TDRD12: variants seen among roughly 807,000 people sequenced by gnomAD.
The protein encoded by TDRD12 is tudor domain containing 12.
A neutral mutation model predicts 133.5 loss-of-function variants in TDRD12; 158 were observed. That is an observed-to-expected ratio of 1.18 (90% CI 1.04 to 1.35). The LOEUF is 1.35. Among genes scored for constraint, TDRD12 ranks in the 40% most tolerant of loss-of-function variants. The probability of loss-of-function intolerance (pLI) is 0.00; values close to 1 mark genes in which losing one functional copy is unlikely to be tolerated. For missense variants in TDRD12, 1,443 were observed against 1,321.3 expected, an observed-to-expected ratio of 1.09 and a Z score of -1.43; for synonymous variants, 460 against 477.9, an observed-to-expected ratio of 0.96 and a Z score of 0.49.
intron 5 of TDRD12, among the ~76,000 whole-genome samples, chr19:32,748,954 T>C (rs1224290977): frequency 6.6e-6 from 1 of 152,246 alleles, no homozygotes; most frequent in Non-Finnish European, 1.5e-5. Context: ...ATGCATAAAA[T>C]GTCTTCAGCT....
chr19:32,806,337 GTTTT>G (rs58555952), intron 21 of TDRD12, among the ~76,000 whole-genome samples: 2 of 135,282 alleles, frequency 1.5e-5, no homozygotes, highest in African/African-American at 5.5e-5. Context: ...AGAAGACCGA[GTTTT>G]TTTTTTTTTT....
chr19:32,769,311 T>G (rs930863651), intron 8 of TDRD12, among the ~76,000 whole-genome samples: 1 of 152,340 alleles, frequency 6.6e-6, no homozygotes, highest in East Asian at 1.9e-4. Context: ...TTGGTTTTGT[T>G]TTTTCCATGT....
intron 10 of TDRD12, among the ~76,000 whole-genome samples, chr19:32,774,846 G>A (rs1970536025): frequency 1.3e-5 from 2 of 152,004 alleles, no homozygotes; most frequent in Admixed American, 6.6e-5. Context: ...TTAGCTGGGC[G>A]TGGTGGCAGG....
exon 6 of TDRD12, chr19:32,749,798 G>C (rs1289285071): frequency 6.5e-7 from 1 of 1,550,240 alleles, no homozygotes; most frequent in Non-Finnish European, 8.7e-7. Flanking sequence ...TACCCAGGTG[G>C]AAGCCAGATT....
rs549041275 is a variant in TDRD12, at chr19:32,779,548, C to T, written c.1121+2319C>T. ...CAGAGGAAGTGGCGGGGCCCACACC[C>T]AGGTTTAAGGGCTCTCCTAGTGAAA... is the stretch of plus-strand genomic sequence containing the variant. On this transcript the variant is annotated intron_variant, in intron 11 of 27. Transcript: ENST00000444215. Among the ~76,000 whole-genome samples the T allele has an allele frequency of 2.0e-5, 3 of 152,198 alleles. No homozygotes were observed. In the East Asian group the frequency reaches 5.8e-4, roughly 29 times the overall value.
intron 11 of TDRD12, among the ~76,000 whole-genome samples, chr19:32,786,752 G>A (rs1371469479): frequency 2.6e-5 from 4 of 152,040 alleles, no homozygotes; most frequent in Non-Finnish European, 5.9e-5. Flanking sequence ...CGAAGTTCCC[G>A]TACTGTGGTT....
At chr19:32,757,528 T>G (rs531101094) in intron 8 of TDRD12, among the ~76,000 whole-genome samples, 2 of 152,358 alleles carry the variant, frequency 1.3e-5, no homozygotes, top group Middle Eastern at 3.4e-3. Context: ...CTTCAAGATA[T>G]TTAATGAATT....
chr19:32,740,104 C>T (rs112695579), intron 3 of TDRD12, among the ~76,000 whole-genome samples: 1 of 127,968 alleles, frequency 7.8e-6, no homozygotes, highest in Non-Finnish European at 1.6e-5. Context: ...TGGGCACTCT[C>T]TGCATCTCCT....
At chr19:32,720,015 C>T (rs1319822758) in exon 1 of TDRD12, 10 of 1,541,584 alleles carry the variant, frequency 6.5e-6, no homozygotes, top group Non-Finnish European at 8.7e-6. Context: ...CAGCCTCACC[C>T]GCGACGGTAG....
chr19:32,802,666 C>A, exon 20 of TDRD12: 1 of 1,536,100 alleles, frequency 6.5e-7, no homozygotes, highest in Non-Finnish European at 8.7e-7. Flanking sequence ...CCCTCACAGA[C>A]GACTGCGTCC....
At position 32,748,516 on chromosome 19, in the gene TDRD12, C is replaced by T; in HGVS notation, c.481C>T (p.Gln161Ter). 1 of 1,551,690 alleles carries T rather than the reference C, an allele frequency of 6.4e-7. No homozygotes were observed. Among genetic ancestry groups the T allele is most frequent in the East Asian group, 2.4e-5 (1 of 40,916 alleles). ...GGACAATGCAGCTATTCAGTACTTT[C>T]AGAACCTTCTGAAAGGTAAGCCAGT... The change falls in exon 5 of 28, where the codon CAG becomes TAG. Residue 161 changes from glutamine (Q) to a stop codon, truncating the protein, a stop_gained. Coordinates refer to ENST00000444215, the Ensembl canonical transcript of TDRD12. LOFTEE classifies it high-confidence loss of function.
intron 26 of TDRD12, among the ~76,000 whole-genome samples, chr19:32,817,722 C>T (rs144005538): frequency 6.6e-6 from 1 of 151,700 alleles, no homozygotes; most frequent in Non-Finnish European, 1.5e-5. Context: ...TTCCAGCAGC[C>T]ATGCCCGAGG....
rs189002088 is a variant in TDRD12 at position 32,757,485 on chromosome 19, T to C, written c.865+355T>C. Among the ~76,000 whole-genome samples the C allele has an allele frequency of 1.2e-3, 178 of 152,348 alleles. 1 individual carries two copies. In the East Asian group the frequency reaches 0.014, roughly 12 times the overall value. ...CATAAAAATAGGGAAGACATGCTTA[T>C]GAGGGCAGAAATACGTAGTTTTAAA... is the stretch of plus-strand genomic sequence containing the variant. On this transcript the variant is annotated intron_variant, in intron 8 of 27. Transcript: ENST00000444215.
intron 8 of TDRD12, among the ~76,000 whole-genome samples, chr19:32,758,560 C>G (rs1599866613): frequency 6.6e-6 from 1 of 152,128 alleles, no homozygotes; most frequent in South Asian, 2.1e-4. Flanking sequence ...CACCCCATCT[C>G]GCTAGGCATT....
chr19:32,740,047 A>C (rs1435470359), intron 3 of TDRD12, among the ~76,000 whole-genome samples: 34 of 89,696 alleles, frequency 3.8e-4, no homozygotes, highest in African/African-American at 1.6e-3. Flanking sequence ...CACTCTCTGC[A>C]TCTCCTGGTG....
chr19:32,779,314 CTT>C (rs1054226197), intron 11 of TDRD12, among the ~76,000 whole-genome samples: 6 of 152,282 alleles, frequency 3.9e-5, no homozygotes, highest in African/African-American at 1.4e-4. Context: ...CTTTTCCTGT[CTT>C]TTTGTCTCGC....
chr19:32,778,796 G>A (rs1009395153), intron 11 of TDRD12, among the ~76,000 whole-genome samples: 2 of 152,152 alleles, frequency 1.3e-5, no homozygotes, highest in African/African-American at 2.4e-5. Context: ...CACTGTGCCC[G>A]GATGACCCTG....
chr19:32,804,198 G>A (rs1234877387), intron 21 of TDRD12, among the ~76,000 whole-genome samples: 4 of 151,502 alleles, frequency 2.6e-5, no homozygotes, highest in East Asian at 2.0e-4. Context: ...TCAGCCTCCC[G>A]AGTAGCTGGG....
At position 32,811,207 on chromosome 19, in the gene TDRD12, C is replaced by T. The variant is rs1437117020; in HGVS notation, c.2838-3C>T. ...GTTGAACCGATGCCCCATTGCTCTC[C>T]AGGGTTCAGGTGTTGGAAGTGAACC... On this transcript the variant is annotated splice_polypyrimidine_tract_variant and splice_region_variant and intron_variant, in intron 23 of 27. Transcript: ENST00000444215. 6.5e-7 allele frequency: 1 copy of T among 1,534,972 alleles called. No homozygotes were observed. Among genetic ancestry groups the T allele is most frequent in the Non-Finnish European group, 8.7e-7 (1 of 1,145,996 alleles).
Sources: gnomAD v4.1 joint callset for allele counts (sites outside exome capture counted in the v4.1 genomes callset) on GRCh38, gnomAD v4.1.1 for gene constraint, MANE v1.5 for transcripts, NCBI Gene and HGNC (gene_info 2026-07-23, HGNC 2026-07-21) for gene names.